FRMD4B: variants seen among roughly 807,000 people sequenced by gnomAD.
FRMD4B encodes the protein FERM domain containing 4B, also known as FERM domain-containing protein 4B.
A neutral mutation model predicts 141.5 loss-of-function variants in FRMD4B; 74 were observed. That is an observed-to-expected ratio of 0.52 (90% CI 0.43 to 0.63). FRMD4B has a LOEUF of 0.63. Among genes scored for constraint, FRMD4B ranks in the 30% least tolerant of loss-of-function variants. The pLI, the probability that FRMD4B is intolerant of heterozygous loss-of-function variation, is 0.00. For missense variants in FRMD4B, 1,366 were observed against 1,253.4 expected (o/e 1.09, Z -1.36); for synonymous variants, 506 against 467.9 (o/e 1.08, Z -1.05).
chr3:69,311,123 T>G (rs904186990), intron 3 of FRMD4B, 140 bp downstream of exon 3: 1 of 498,738 alleles, frequency 2.0e-6, no homozygotes, highest in Non-Finnish European at 3.7e-6. Flanking sequence ...AGGAGAAAAA[T>G]CGCATATTAA....
intron 1 of FRMD4B, among the ~76,000 whole-genome samples, chr3:69,496,340 G>C (rs1284767398): frequency 6.6e-6 from 1 of 152,036 alleles, no homozygotes; most frequent in Non-Finnish European, 1.5e-5. Flanking sequence ...GGTTCAGGAG[G>C]ACCCACTTTC....
At chr3:69,203,301 G>C (rs1349892049) in intron 11 of FRMD4B, among the ~76,000 whole-genome samples, 12 of 129,246 alleles carry the variant, frequency 9.3e-5, no homozygotes, top group African/African-American at 3.3e-4. Context: ...AAATATCTGA[G>C]GGTACTGTCA....
In FRMD4B at chr3:69,313,391, T is replaced by A. The variant is rs1701671083; in HGVS notation, c.228+61A>T. The A allele has an allele frequency of 6.5e-6, 7 of 1,080,106 alleles. No individual in the cohort carries two copies. The South Asian group carries it at 9.3e-5, about 14-fold the overall frequency. The allele number at this position is 1,080,106 out of a possible 1,614,324, so 66.9% of individuals were successfully genotyped here. Reference sequence around the variant, plus strand: ...AGGGAACCAGGATGAGCTGTCCCCGTGAGGGTAAAACCTACCTGGGCAAGA... The same window carrying A: ...AGGGAACCAGGATGAGCTGTCCCCGAGAGGGTAAAACCTACCTGGGCAAGA... On this transcript the variant is annotated intron_variant, in intron 2 of 22. Coordinates refer to ENST00000398540, the MANE Select transcript of FRMD4B (RefSeq NM_015123.3).
chr3:69,254,138 A>G (rs1022856808), intron 5 of FRMD4B, among the ~76,000 whole-genome samples: 2 of 151,782 alleles, frequency 1.3e-5, no homozygotes. Flanking sequence ...GGAGTCTCAT[A>G]CTGTTGCCCA....
intron 5 of FRMD4B, among the ~76,000 whole-genome samples, chr3:69,252,408 G>A (rs2093468243): frequency 6.6e-6 from 1 of 152,192 alleles, no homozygotes; most frequent in Non-Finnish European, 1.5e-5. Context: ...CGGTGAAGGA[G>A]TGGGCTCTAG....
chr3:69,497,579 A>G (rs1027202798), intron 1 of FRMD4B, among the ~76,000 whole-genome samples: 2 of 152,170 alleles, frequency 1.3e-5, no homozygotes, highest in African/African-American at 4.8e-5. Flanking sequence ...AATAAAAATA[A>G]TAATAGTAAT....
At chr3:69,196,500 T>C in intron 13 of FRMD4B, 104 bp from the exon 14 acceptor site, 4 of 924,904 alleles carry the variant, frequency 4.3e-6, no homozygotes, top group Middle Eastern at 2.3e-4. Context: ...GAGGATAATT[T>C]AGAATTTTCA....
At position 69,249,258 on chromosome 3, in the gene FRMD4B, A is replaced by G. The variant is rs779192658; in HGVS notation, c.559-10T>C. The G allele has an allele frequency of 1.3e-5, 20 of 1,561,116 alleles. No individual in the cohort carries two copies. Among genetic ancestry groups the G allele is most frequent in the Non-Finnish European group, 1.5e-5 (17 of 1,137,034 alleles). On this transcript the variant is annotated splice_polypyrimidine_tract_variant and intron_variant, in intron 6 of 22. Transcript: ENST00000398540. ...AATCTCCCTTGGCTTCCTAAAAACA[A>G]CAAACAAAAACAGAGTTGATCAATA...
At chr3:69,343,745 A>T (rs1702830286) in intron 1 of FRMD4B, among the ~76,000 whole-genome samples, 1 of 151,552 alleles carries the variant, frequency 6.6e-6, no homozygotes, top group Non-Finnish European at 1.5e-5. Context: ...ATACCTGGCT[A>T]ATTTTTGTAG....
chr3:69,338,058 A>G (rs1447922203), intron 1 of FRMD4B, among the ~76,000 whole-genome samples: 2 of 152,256 alleles, frequency 1.3e-5, no homozygotes, highest in Non-Finnish European at 2.9e-5. Flanking sequence ...GAACCAACCC[A>G]AATGTCCAAC....
chr3:69,310,156 A>G (rs1037101666), intron 3 of FRMD4B, among the ~76,000 whole-genome samples: 6 of 152,152 alleles, frequency 3.9e-5, no homozygotes, highest in Non-Finnish European at 8.8e-5. Context: ...AGGTTTTTCT[A>G]TTCCTCCTGA....
rs1201058684 is a variant in FRMD4B, at chr3:69,195,114, A to G, written c.1396T>C (p.Tyr466His). The change falls in exon 16 of 23, where the codon TAT becomes CAT. Residue 466 changes from tyrosine to histidine, a missense_variant. Transcript: ENST00000398540. ...GGCTTCTCGCCTATGTTCAGGGGAT[A>G]CTCCTTTGGCATTTTGCCTGTGAGC... ...AELTGKMPKE[Y>H]PLNIGEKPPQ... 6.2e-7 allele frequency: 1 copy of G among 1,613,948 alleles called. No homozygotes were observed. The highest frequency in any genetic ancestry group is 1.7e-5 in the Admixed American group (1 of 60,024).
intron 1 of FRMD4B, among the ~76,000 whole-genome samples, chr3:69,466,914 C>T (rs1016837182): frequency 3.9e-5 from 6 of 152,252 alleles, no homozygotes; most frequent in African/African-American, 1.4e-4. Context: ...GTTGCCCAGG[C>T]TGATCTTGAA....
chr3:69,477,641 T>G lies in FRMD4B; in HGVS notation c.-128-44880A>C, dbSNP rs1257887339. 3.3e-5 allele frequency among the ~76,000 whole-genome samples: 5 copies of G among 152,244 alleles called. No homozygotes were observed. The South Asian group carries it at 1.0e-3, about 32-fold the overall frequency. On this transcript the variant is annotated intron_variant, in intron 1 of 5. Transcript: ENST00000459638. ...TTGAGGATTTTTGCATCAATGTTCATCAAGGATATTGGTCTAAAATTCTCT... is the reference window on the plus strand; with the variant it reads ...TTGAGGATTTTTGCATCAATGTTCAGCAAGGATATTGGTCTAAAATTCTCT...
intron 4 of FRMD4B, among the ~76,000 whole-genome samples, chr3:69,294,298 C>T (rs1327547219): frequency 6.6e-6 from 1 of 152,156 alleles, no homozygotes; most frequent in Non-Finnish European, 1.5e-5. Context: ...GCGGGGAGAT[C>T]TCTGTTTATT....
At chr3:69,262,227 G>A (rs2093531923) in intron 5 of FRMD4B, among the ~76,000 whole-genome samples, 2 of 151,760 alleles carry the variant, frequency 1.3e-5, no homozygotes, top group African/African-American at 2.4e-5. Flanking sequence ...TCAGCCTCCC[G>A]AAATGCTAGG....
At chr3:69,195,636 A>G (rs1357387697) in intron 14 of FRMD4B, among the ~76,000 whole-genome samples, 1 of 152,146 alleles carries the variant, frequency 6.6e-6, no homozygotes, top group East Asian at 1.9e-4. Flanking sequence ...ACACCCAAAG[A>G]AAAATTTCAT....
At chr3:69,235,344 G>A (rs2093338760) in intron 7 of FRMD4B, among the ~76,000 whole-genome samples, 1 of 151,662 alleles carries the variant, frequency 6.6e-6, no homozygotes, top group Non-Finnish European at 1.5e-5. Flanking sequence ...CATGAGTGCT[G>A]TCATCTAATC....
At chr3:69,343,387 G>A (rs7617709) in intron 1 of FRMD4B, among the ~76,000 whole-genome samples, 1 of 151,938 alleles carries the variant, frequency 6.6e-6, no homozygotes, top group African/African-American at 2.4e-5. Context: ...TTGTCCGTTA[G>A]GTGTGGATAA....
Sources: allele counts gnomAD v4.1 joint callset (sites outside exome capture counted in the v4.1 genomes callset), GRCh38; gene constraint gnomAD v4.1.1; transcripts MANE v1.5; gene names NCBI Gene and HGNC (gene_info 2026-07-23, HGNC 2026-07-21).